Variants in CUX2 observed in about 807,000 individuals in gnomAD.
CUX2 encodes homeobox protein cut-like 2.
CUX2 carries 40 observed loss-of-function variants against 144.8 expected under a neutral mutation model. That is an observed-to-expected ratio of 0.28 (90% confidence interval 0.21 to 0.36). CUX2 has a LOEUF of 0.36. Ranked by LOEUF, CUX2 falls within the 10% of genes least tolerant of loss-of-function variation. The pLI is 1.00. For synonymous variants in CUX2, 827 were observed against 875.6 expected, an observed-to-expected ratio of 0.94 and a Z score of 0.98; for missense variants, 1,615 against 1,994.0, an observed-to-expected ratio of 0.81 and a Z score of 3.62.
At chr12:111,153,204 G>A (rs2136139447) in intron 1 of CUX2, among the ~76,000 whole-genome samples, 1 of 152,304 alleles carries the variant, frequency 6.6e-6, no homozygotes, top group East Asian at 1.9e-4. Flanking sequence ...CCTGCTGAAT[G>A]CGTGGCATTC....
chr12:111,084,875 G>T (rs976215381), intron 1 of CUX2, among the ~76,000 whole-genome samples: 4 of 152,152 alleles, frequency 2.6e-5, no homozygotes, highest in Non-Finnish European at 4.4e-5. Flanking sequence ...CTGCTGCGGG[G>T]TGCAGGGGAT....
chr12:111,091,556 C>T (rs1402853784), intron 1 of CUX2, among the ~76,000 whole-genome samples: 5 of 152,214 alleles, frequency 3.3e-5, no homozygotes, highest in Non-Finnish European at 5.9e-5. Flanking sequence ...CTTCCCAAAG[C>T]CCAGATAATT....
In CUX2 at chr12:111,334,446, C is replaced by A. The variant is rs766582213; in HGVS notation, c.2932C>A (p.Pro978Thr). The A allele has an allele frequency of 3.8e-6, 6 of 1,587,496 alleles. No homozygotes were observed. The African/African-American group carries it at 5.4e-5, about 14-fold the overall frequency. The stretch of plus-strand genomic sequence containing the variant: ...TCTTTCTCTGTGGCCCACAGCCAGT[C>A]CCACAGAACCAAGGTCCTCACCATC... The part of the protein sequence containing the change: ...GQQPGASQAS[P>T]TEPRSSPSPP... Residue 978 changes from proline to threonine, a missense_variant, in exon 19 of 22, where the codon CCC (proline) becomes ACC (threonine). By Grantham distance (38) the Pro-to-Thr change is conservative. Transcript: ENST00000261726.
Position 111,034,239 on chromosome 12 carries a change from A to G in CUX2, c.62A>G (p.Gln21Arg). The change falls in exon 1 of 22, where the codon CAG becomes CGG. Residue 21 changes from glutamine to arginine, a missense_variant and splice_region_variant. Gln to Arg is a conservative substitution (Grantham distance 43, BLOSUM62 1). Around this residue, in one of 12 missense-constraint regions of CUX2, gnomAD observed 64 missense variants for 64.9 expected, o/e 0.99. Coordinates refer to ENST00000261726, the MANE Select transcript of CUX2 (RefSeq NM_015267.4). This position sits in a 1 kb window ranked among gnomAD's most constrained non-coding sequence, Gnocchi z 4.2. Reference sequence around the variant, plus strand: ...AAGCGATTTGATCTACGGCGACTCCAGGTTAGTGCGGGCAGCGCCGGCCGC... The same window carrying G: ...AAGCGATTTGATCTACGGCGACTCCGGGTTAGTGCGGGCAGCGCCGGCCGC... ...YWKRFDLRRL[Q>R]KELNSVASEL... 7.2e-7 allele frequency: 1 copy of G among 1,383,688 alleles called. No homozygotes were observed. Among genetic ancestry groups the G allele is most frequent in the Non-Finnish European group, 9.6e-7 (1 of 1,038,834 alleles). 85.7% of individuals were successfully genotyped at this position (1,383,688 alleles called of 1,614,324 possible). A position where few individuals can be genotyped will look rare whatever the true frequency, so the allele number is the denominator to read the frequency against.
Position 111,061,007 on chromosome 12 carries a change from C to T in CUX2, c.63+26767C>T, listed in dbSNP as rs1870743120. ...AGAAAGGAAGCAGTGACACCTGCCA[C>T]CTCCCAGCCTTGGGATGCCAGGACC... On this transcript the variant is annotated intron_variant, in intron 1 of 21. Coordinates refer to ENST00000261726, the MANE Select transcript of CUX2 (RefSeq NM_015267.4). This position sits in a 1 kb window ranked among gnomAD's most constrained non-coding sequence, Gnocchi z 4.2. Among the ~76,000 whole-genome samples, 1 of 152,238 alleles carries T rather than the reference C, an allele frequency of 6.6e-6. No homozygotes were observed.
intron 1 of CUX2, among the ~76,000 whole-genome samples, chr12:111,203,231 C>CA (rs35855857): frequency 0.11 from 8,611 of 76,064 alleles, 467 homozygotes; most frequent in Non-Finnish European, 0.14. Flanking sequence ...GACTCTGTCT[C>CA]AAAAAAAAAA....
chr12:111,035,798 T>G lies in CUX2; in HGVS notation c.63+1558T>G, dbSNP rs1365142069. 6.6e-6 allele frequency among the ~76,000 whole-genome samples: 1 copy of G among 152,066 alleles called. No individual in the cohort carries two copies. Among genetic ancestry groups the G allele is most frequent in the Non-Finnish European group, 1.5e-5 (1 of 68,016 alleles). ...GGGAGAAAATCGGGGCACTGAGGCA[T>G]GCAGTTAATAACTGCCGAGTGCCTT... is the stretch of plus-strand genomic sequence containing the variant. On this transcript the variant is annotated intron_variant, in intron 1 of 21. Transcript: ENST00000261726. The surrounding 1 kb of genome is among the most constrained non-coding windows in gnomAD (Gnocchi z 6.0).
rs1176874457 is a variant in CUX2 at position 111,349,166 on chromosome 12, A to G, written c.*841A>G. The G allele has an allele frequency of 1.3e-5, 2 of 152,308 alleles. No homozygotes were observed. Among genetic ancestry groups the G allele is most frequent in the Admixed American group, 1.3e-4 (2 of 15,264 alleles). The allele number at this position is 152,308 out of a possible 1,614,324, so 9.4% of individuals were successfully genotyped here. Reference sequence around the variant, plus strand: ...AACCTGTGGGCCATGGAGGTCAGACATCCATCTTGTCCATCTATAGGCAAG... The same window carrying G: ...AACCTGTGGGCCATGGAGGTCAGACGTCCATCTTGTCCATCTATAGGCAAG... On this transcript the variant is annotated 3_prime_UTR_variant, in exon 22 of 22. Transcript: ENST00000261726.
intron 1 of CUX2, among the ~76,000 whole-genome samples, chr12:111,203,939 G>A (rs2136212783): frequency 6.6e-6 from 1 of 152,352 alleles, no homozygotes; most frequent in Admixed American, 6.5e-5. Context: ...AAGGCAGGCG[G>A]AGCAGCTGCT....
chr12:111,278,656 A>G (rs1305337015), intron 4 of CUX2, among the ~76,000 whole-genome samples: 1 of 152,120 alleles, frequency 6.6e-6, no homozygotes, highest in Non-Finnish European at 1.5e-5. Flanking sequence ...GGAAGGGAAG[A>G]CTCGGGAATG....
intron 1 of CUX2, among the ~76,000 whole-genome samples, chr12:111,052,625 A>G (rs562172215): frequency 1.5e-4 from 23 of 151,920 alleles, no homozygotes; most frequent in African/African-American, 5.6e-4. Flanking sequence ...GTGTCTTTGT[A>G]TCTGTGTTTT....
intron 3 of CUX2, among the ~76,000 whole-genome samples, chr12:111,227,427 G>A (rs1406564264): frequency 6.6e-6 from 1 of 152,056 alleles, no homozygotes; most frequent in African/African-American, 2.4e-5. Context: ...TACCTCCTAG[G>A]GAGGCTGGCA....
chr12:111,251,240 A>AT (rs1318838513), intron 3 of CUX2, among the ~76,000 whole-genome samples: 1 of 152,120 alleles, frequency 6.6e-6, no homozygotes, highest in Non-Finnish European at 1.5e-5. Flanking sequence ...CAAATGAGTG[A>AT]TTCCCCTTTG....
At chr12:111,222,368 G>A (rs557103424) in intron 3 of CUX2, among the ~76,000 whole-genome samples, 12 of 152,308 alleles carry the variant, frequency 7.9e-5, no homozygotes, top group East Asian at 1.9e-4. Context: ...TCTGAAGCGC[G>A]TGTGCACTGT....
chr12:111,081,156 G>A (rs1871864627), intron 1 of CUX2, among the ~76,000 whole-genome samples: 1 of 152,168 alleles, frequency 6.6e-6, no homozygotes, highest in Admixed American at 6.5e-5. Flanking sequence ...TGCAGTGGTG[G>A]GAGGATTGAT....
rs1285755402 is a variant in CUX2, at chr12:111,296,554, CTGAGGTG to C, written c.704+17_704+23del. 1 of 1,606,220 alleles carries C rather than the reference CTGAGGTG, an allele frequency of 6.2e-7. No individual in the cohort carries two copies. Among genetic ancestry groups the C allele is most frequent in the Non-Finnish European group, 8.5e-7 (1 of 1,175,800 alleles). ...GCAGCATCCAAGTAAGTGAGCCCTG[CTGAGGTG>C]TACCTCCTCCCTTGGAGGCCTCCCA... On this transcript the variant is annotated intron_variant, in intron 8 of 21. Transcript: ENST00000261726.
chr12:111,243,569 T>A (rs958596962), intron 3 of CUX2, among the ~76,000 whole-genome samples: 1 of 134,424 alleles, frequency 7.4e-6, no homozygotes, highest in Admixed American at 8.1e-5. Flanking sequence ...AGTGGTGCAA[T>A]CATAGCTCAC....
At chr12:111,112,347 G>A (rs1238034933) in intron 1 of CUX2, among the ~76,000 whole-genome samples, 1 of 152,210 alleles carries the variant, frequency 6.6e-6, no homozygotes, top group African/African-American at 2.4e-5. Context: ...GGTTTGACTG[G>A]TGGAAGCATC....
rs982048079 is a variant in CUX2 at position 111,312,974 on chromosome 12, T to C, written c.2002+773T>C. Among the ~76,000 whole-genome samples the C allele has an allele frequency of 1.3e-5, 2 of 152,194 alleles. No homozygotes were observed. Among genetic ancestry groups the C allele is most frequent in the Non-Finnish European group, 2.9e-5 (2 of 68,024 alleles). ...CCCCCACCACAGTGACCTGTTTGCT[T>C]GGTGTAGTGGAGCTGGACTGGCCAC... On this transcript the variant is annotated intron_variant, in intron 16 of 21. Coordinates refer to ENST00000261726, the MANE Select transcript of CUX2 (RefSeq NM_015267.4). The surrounding 1 kb of genome is among the most constrained non-coding windows in gnomAD (Gnocchi z 4.3).
Sources: gnomAD v4.1 joint callset for allele counts (sites outside exome capture counted in the v4.1 genomes callset) on GRCh38, gnomAD v4.1.1 for gene constraint, gnomAD v4.1.1 regional missense constraint, Gnocchi (gnomAD v3.1) non-coding constraint, MANE v1.5 for transcripts, NCBI Gene and HGNC (gene_info 2026-07-23, HGNC 2026-07-21) for gene names.